The following MVB12B variants were observed in gnomAD, a reference collection of about 807,000 sequenced individuals.
MVB12B encodes ESCRT-I complex subunit MVB12B.
MVB12B carries 16 observed loss-of-function variants against 41.6 expected under a neutral mutation model. The observed-to-expected ratio is 0.38, with a 90% CI of 0.26 to 0.58. The LOEUF (loss-of-function observed/expected upper bound fraction) is 0.58. Among genes scored for constraint, MVB12B ranks in the 20% least tolerant of loss-of-function variants. The pLI, the probability that MVB12B is intolerant of heterozygous loss-of-function variation, is 0.62. For synonymous variants in MVB12B, 133 were observed against 139.7 expected (o/e 0.95, Z 0.34); for missense variants, 274 against 380.2 (o/e 0.72, Z 2.32).
chr9:126,460,330 A>G (rs1299483606), intron 7 of MVB12B, among the ~76,000 whole-genome samples: 1 of 152,168 alleles, frequency 6.6e-6, no homozygotes, highest in African/African-American at 2.4e-5. Context: ...AAAGGAAAGC[A>G]TTCCACAACA....
intron 7 of MVB12B, among the ~76,000 whole-genome samples, chr9:126,471,039 C>T (rs1467078768): frequency 1.3e-5 from 2 of 152,176 alleles, no homozygotes; most frequent in Non-Finnish European, 2.9e-5. Flanking sequence ...TATTTTCTCT[C>T]TTCTACAGCT....
At chr9:126,496,937 C>T (rs1410676972) in intron 9 of MVB12B, among the ~76,000 whole-genome samples, 2 of 152,128 alleles carry the variant, frequency 1.3e-5, no homozygotes, top group Non-Finnish European at 2.9e-5. Flanking sequence ...AGACTCTCAG[C>T]GTTGTCATCA....
intron 1 of MVB12B, among the ~76,000 whole-genome samples, chr9:126,338,130 G>T (rs193203714): frequency 1.3e-5 from 2 of 152,208 alleles, no homozygotes; most frequent in Admixed American, 1.3e-4. Flanking sequence ...CGCGCGGCCC[G>T]GAGCCATTTG....
intron 3 of MVB12B, among the ~76,000 whole-genome samples, chr9:126,381,840 C>T (rs1224974104): frequency 6.6e-6 from 1 of 151,686 alleles, no homozygotes; most frequent in Non-Finnish European, 1.5e-5. Flanking sequence ...GCCCTGGGCA[C>T]CTCATTCTGT....
intron 7 of MVB12B, among the ~76,000 whole-genome samples, chr9:126,442,455 AG>A (rs1348107670): frequency 1.7e-4 from 26 of 152,378 alleles, no homozygotes; most frequent in African/African-American, 5.8e-4. Flanking sequence ...GACTAAAGTC[AG>A]TGTATTGATC....
At chr9:126,460,496 G>A (rs960683316) in intron 7 of MVB12B, among the ~76,000 whole-genome samples, 1 of 152,118 alleles carries the variant, frequency 6.6e-6, no homozygotes. Flanking sequence ...TGCACTTCCC[G>A]TCTATTGCAG....
At chr9:126,355,012 T>G (rs1829843322) in intron 2 of MVB12B, among the ~76,000 whole-genome samples, 1 of 152,168 alleles carries the variant, frequency 6.6e-6, no homozygotes, top group South Asian at 2.1e-4. Context: ...TCCAATTGTG[T>G]AGCTATTTTC....
intron 6 of MVB12B, chr9:126,396,839 T>G (rs1025422532): frequency 1.0e-6 from 1 of 985,374 alleles, no homozygotes; most frequent in East Asian, 1.1e-4. Context: ...GAATCTCTAA[T>G]AAGCCTCCCA....
chr9:126,415,211 C>A (rs906743989), intron 6 of MVB12B, among the ~76,000 whole-genome samples: 12 of 152,132 alleles, frequency 7.9e-5, no homozygotes, highest in Admixed American at 7.2e-4. Context: ...TCTCCTTAGA[C>A]AATCCAACCT....
In MVB12B at chr9:126,480,145, C is replaced by T. The variant is rs1833497306; in HGVS notation, c.758-1224C>T. The stretch of plus-strand genomic sequence containing the variant: ...TTCCATTGTGCTCACTCCGTTTCTC[C>T]CTGAAACCACAATTTACTGCATAGC... On this transcript the variant is annotated intron_variant, in intron 7 of 9. Coordinates refer to ENST00000361171, the MANE Select transcript of MVB12B (RefSeq NM_033446.3). This position sits in a 1 kb window ranked among gnomAD's most constrained non-coding sequence, Gnocchi z 4.9. 6.6e-6 allele frequency among the ~76,000 whole-genome samples: 1 copy of T among 152,180 alleles called. No individual in the cohort carries two copies.
At chr9:126,413,844 G>GTT (rs1831720985) in intron 6 of MVB12B, among the ~76,000 whole-genome samples, 1 of 113,528 alleles carries the variant, frequency 8.8e-6, no homozygotes, top group African/African-American at 2.8e-5. Flanking sequence ...GTGTGTGTGT[G>GTT]TGTGTGTGTA....
chr9:126,397,789 A>C (rs1831158352), intron 6 of MVB12B, among the ~76,000 whole-genome samples: 1 of 152,074 alleles, frequency 6.6e-6, no homozygotes, highest in African/African-American at 2.4e-5. Context: ...TATTCATTCA[A>C]ATTTTCCATT....
intron 2 of MVB12B, among the ~76,000 whole-genome samples, chr9:126,363,246 T>C (rs1830073723): frequency 6.6e-6 from 1 of 152,204 alleles, no homozygotes; most frequent in Non-Finnish European, 1.5e-5. Context: ...AACAACCTCA[T>C]TGAATTCTTG....
chr9:126,392,430 G>A lies in MVB12B; in HGVS notation c.539+235G>A, dbSNP rs1830986021. The stretch of plus-strand genomic sequence containing the variant: ...CCTCCCCTGCCCTTCTGCGCATTCA[G>A]CCTTGAAGCTCCTCTGGGTCCTTCC... On this transcript the variant is annotated intron_variant, in intron 5 of 9. Transcript: ENST00000361171. The surrounding 1 kb of genome is among the most constrained non-coding windows in gnomAD (Gnocchi z 4.8). Among the ~76,000 whole-genome samples the A allele has an allele frequency of 6.6e-6, 1 of 152,170 alleles. No individual in the cohort carries two copies. The highest frequency in any genetic ancestry group is 2.4e-5 in the African/African-American group (1 of 41,438).
At chr9:126,463,467 C>A (rs920983499) in intron 7 of MVB12B, among the ~76,000 whole-genome samples, 1 of 152,142 alleles carries the variant, frequency 6.6e-6, no homozygotes, top group Non-Finnish European at 1.5e-5. Context: ...AAGAGATGAC[C>A]TGGTTCGAAT....
intron 9 of MVB12B, among the ~76,000 whole-genome samples, chr9:126,489,319 A>G (rs1255518382): frequency 6.6e-6 from 1 of 152,212 alleles, no homozygotes; most frequent in East Asian, 1.9e-4. Flanking sequence ...CCAAAGTGGA[A>G]CACAGGCCTG....
At chr9:126,336,558 C>G (rs2118804065) in intron 1 of MVB12B, among the ~76,000 whole-genome samples, 1 of 152,332 alleles carries the variant, frequency 6.6e-6, no homozygotes, top group Admixed American at 6.5e-5. Context: ...GGGGCCTCCC[C>G]AAGCGCTATC....
At chr9:126,476,712 TA>T (rs1433502146) in intron 7 of MVB12B, among the ~76,000 whole-genome samples, 1 of 151,644 alleles carries the variant, frequency 6.6e-6, no homozygotes, top group Non-Finnish European at 1.5e-5. Flanking sequence ...CTGTATCTAC[TA>T]AAAATACAAA....
intron 7 of MVB12B, among the ~76,000 whole-genome samples, chr9:126,450,253 C>T (rs1218882031): frequency 6.6e-6 from 1 of 152,192 alleles, no homozygotes; most frequent in African/African-American, 2.4e-5. Flanking sequence ...GGGCGGTGGG[C>T]AAGCTCCACT....
Sources: allele counts gnomAD v4.1 joint callset (sites outside exome capture counted in the v4.1 genomes callset), GRCh38; gene constraint gnomAD v4.1.1; non-coding constraint Gnocchi (gnomAD v3.1); transcripts MANE v1.5; gene names NCBI Gene and HGNC (gene_info 2026-07-23, HGNC 2026-07-21).